Variants in BICRA observed in about 807,000 individuals in gnomAD.
The protein encoded by BICRA is BRD4-interacting chromatin-remodeling complex-associated protein.
In BICRA, 31 loss-of-function variants were observed where a neutral mutation model predicts 96.9. The observed-to-expected ratio is 0.32, with a 90% CI of 0.24 to 0.43. The LOEUF (loss-of-function observed/expected upper bound fraction) is 0.43. BICRA is among the 20% of genes least tolerant of loss of function. BICRA has a pLI of 1.00. For synonymous variants in BICRA, 1,350 were observed against 1,071.8 expected (o/e 1.26, Z -5.07); for missense variants, 2,283 against 2,190.3 (o/e 1.04, Z -0.84).
chr19:47,624,609 C>G (rs902456581), intron 1 of BICRA, among the ~76,000 whole-genome samples: 1 of 151,990 alleles, frequency 6.6e-6, no homozygotes, highest in African/African-American at 2.4e-5. Context: ...AAAGGGTTGC[C>G]AGAAACCTTC....
At chr19:47,619,198 A>G (rs944600679) in intron 1 of BICRA, among the ~76,000 whole-genome samples, 1 of 36,450 alleles carries the variant, frequency 2.7e-5, no homozygotes, top group Non-Finnish European at 6.3e-5. Context: ...ATATGTATAT[A>G]TACATATATA....
chr19:47,631,802 C>G (rs1035926098), intron 1 of BICRA, among the ~76,000 whole-genome samples: 5 of 152,090 alleles, frequency 3.3e-5, no homozygotes, highest in Admixed American at 2.0e-4. Flanking sequence ...GTGCACACTA[C>G]CACGCCTGGC....
intron 1 of BICRA, among the ~76,000 whole-genome samples, chr19:47,623,928 C>T (rs1182639225): frequency 5.9e-5 from 9 of 151,570 alleles, no homozygotes; most frequent in East Asian, 1.9e-4. Context: ...CTTGGCTCAC[C>T]GCAACCTCTG....
intron 1 of BICRA, among the ~76,000 whole-genome samples, chr19:47,613,522 C>T (rs1402373954): frequency 6.6e-6 from 1 of 152,150 alleles, no homozygotes; most frequent in African/African-American, 2.4e-5. Flanking sequence ...ACCAGGCACC[C>T]TCACTTAGTA....
chr19:47,691,878 G>T (rs967013722), intron 7 of BICRA, among the ~76,000 whole-genome samples: 5 of 152,086 alleles, frequency 3.3e-5, no homozygotes, highest in African/African-American at 1.2e-4. Context: ...TAATATTTTA[G>T]TATAATATTT....
At chr19:47,673,802 G>C in intron 4 of BICRA, 40 bp downstream of exon 4, 3 of 1,555,734 alleles carry the variant, frequency 1.9e-6, no homozygotes, top group Non-Finnish European at 2.7e-6. Context: ...CTGAGTGGGG[G>C]GCTGTCTAAT....
chr19:47,622,028 G>A (rs1972072091), intron 1 of BICRA, among the ~76,000 whole-genome samples: 1 of 151,130 alleles, frequency 6.6e-6, no homozygotes, highest in Admixed American at 6.6e-5. Flanking sequence ...GTGCAGTGGT[G>A]CGATTTTGGC....
intron 7 of BICRA, among the ~76,000 whole-genome samples, chr19:47,691,786 C>T (rs1045988260): frequency 1.3e-5 from 2 of 152,156 alleles, no homozygotes; most frequent in African/African-American, 4.8e-5. Context: ...GTCTCAAACT[C>T]CTGGGCTCAA....
Position 47,698,374 on chromosome 19 carries a change from G to A in BICRA, c.3249-260G>A, listed in dbSNP as rs1973381273. Among the ~76,000 whole-genome samples, 1 of 152,170 alleles carries A rather than the reference G, an allele frequency of 6.6e-6. No homozygotes were observed. Among genetic ancestry groups the A allele is most frequent in the South Asian group, 2.1e-4 (1 of 4,830 alleles). On this transcript the variant is annotated intron_variant, in intron 11 of 14. Transcript: ENST00000594866. This position sits in a 1 kb window ranked among gnomAD's most constrained non-coding sequence, Gnocchi z 4.8. ...CTCTTCCTCCCTTACGTGCTTTGGA[G>A]AGGAGTGACTTCACTTCCTCGACCT...
chr19:47,680,656 C>G lies in BICRA; in HGVS notation c.1486C>G (p.Gln496Glu). Residue 496 changes from glutamine to glutamate, a missense_variant, in exon 6 of 15, where the codon CAG becomes GAG. Coordinates refer to ENST00000594866, the MANE Select transcript of BICRA (RefSeq NM_001394372.1). ...LSALPANVGG[Q>E]ILAAAAPHTG... ...AGCCCTGCCGGCCAACGTGGGCGGG[C>G]AGATCCTGGCGGCCGCTGCCCCCCA... is the stretch of plus-strand genomic sequence containing the variant. 6.2e-7 allele frequency: 1 copy of G among 1,607,456 alleles called. No individual in the cohort carries two copies. Among genetic ancestry groups the G allele is most frequent in the Non-Finnish European group, 8.5e-7 (1 of 1,177,110 alleles).
chr19:47,685,870 T>C (rs1973149801), intron 7 of BICRA, among the ~76,000 whole-genome samples: 1 of 151,940 alleles, frequency 6.6e-6, no homozygotes, highest in Admixed American at 6.6e-5. Flanking sequence ...CTGGCTTTGC[T>C]TATTTAGCAA....
Position 47,701,428 on chromosome 19 carries a change from C to A in BICRA, c.3696C>A (p.Pro1232=). The A allele has an allele frequency of 2.5e-6, 4 of 1,581,880 alleles. No individual in the cohort carries two copies. The highest frequency in any genetic ancestry group is 4.7e-5 in the East Asian group (2 of 42,928). Reference sequence around the variant, plus strand: ...ACGGCCCCCTGTCGTCTTCAGCTCCCGGGGCCTCCACCCAGCCCCCTCCAC... The same window carrying A: ...ACGGCCCCCTGTCGTCTTCAGCTCCAGGGGCCTCCACCCAGCCCCCTCCAC... ...PGHGPLSSSA[P]GASTQPPPHL... The change falls in exon 15 of 15, where the codon CCC becomes CCA. Residue 1232 remains proline, a synonymous_variant. Transcript: ENST00000594866. This position sits in a 1 kb window ranked among gnomAD's most constrained non-coding sequence, Gnocchi z 5.4.
chr19:47,633,323 G>A lies in BICRA; in HGVS notation c.-108+24155G>A, dbSNP rs189820891. 4.6e-5 allele frequency among the ~76,000 whole-genome samples: 7 copies of A among 151,912 alleles called. No homozygotes were observed. In the East Asian group the frequency reaches 9.7e-4, roughly 21 times the overall value. ...TTGAGCTCCTGACCTCAAGTGATCC[G>A]CCTGCCTTGGCCTCCCAAAGTGCTG... On this transcript the variant is annotated intron_variant, in intron 1 of 14. Transcript: ENST00000594866.
At chr19:47,685,914 T>A (rs528137230) in intron 7 of BICRA, among the ~76,000 whole-genome samples, 5 of 152,218 alleles carry the variant, frequency 3.3e-5, no homozygotes, top group African/African-American at 1.2e-4. Flanking sequence ...AGACCTTTTT[T>A]TTTCCTTGAC....
intron 1 of BICRA, among the ~76,000 whole-genome samples, chr19:47,610,731 C>G (rs1009864924): frequency 3.3e-5 from 5 of 152,184 alleles, no homozygotes; most frequent in Admixed American, 2.6e-4. Context: ...TCCAAGGCAT[C>G]AAGGCCTGAG....
chr19:47,619,643 C>A (rs1972036111), intron 1 of BICRA, among the ~76,000 whole-genome samples: 1 of 151,986 alleles, frequency 6.6e-6, no homozygotes, highest in East Asian at 1.9e-4. Flanking sequence ...CACCTGTAAT[C>A]CCAGCACTTT....
chr19:47,679,254 A>G, intron 5 of BICRA, 67 bp from the exon 6 acceptor site: 1 of 1,176,574 alleles, frequency 8.5e-7, no homozygotes, highest in Non-Finnish European at 1.1e-6. Flanking sequence ...TCTTTGCGGC[A>G]GCTGTGGCCT....
intron 1 of BICRA, among the ~76,000 whole-genome samples, chr19:47,628,714 T>C (rs976243672): frequency 2.0e-5 from 3 of 151,654 alleles, no homozygotes; most frequent in East Asian, 3.9e-4. Flanking sequence ...AGGTGATCCT[T>C]CCACCTCAGC....
intron 1 of BICRA, among the ~76,000 whole-genome samples, chr19:47,616,772 C>G (rs1971991126): frequency 6.6e-6 from 1 of 152,048 alleles, no homozygotes; most frequent in African/African-American, 2.4e-5. Flanking sequence ...AGGATAGGAC[C>G]TGGCTCTCAG....
Sources: allele counts gnomAD v4.1 joint callset (sites outside exome capture counted in the v4.1 genomes callset), GRCh38; gene constraint gnomAD v4.1.1; non-coding constraint Gnocchi (gnomAD v3.1); transcripts MANE v1.5; gene names NCBI Gene and HGNC (gene_info 2026-07-23, HGNC 2026-07-21).